LRRC75A: variants seen among roughly 807,000 people sequenced by gnomAD.
LRRC75A encodes leucine rich repeat containing 75A.
LRRC75A carries 12 observed loss-of-function variants against 26.0 expected under a neutral mutation model. That is an observed-to-expected ratio of 0.46 (90% CI 0.30 to 0.75). The LOEUF is 0.75. Ranked by LOEUF, LRRC75A falls within the 30% of genes least tolerant of loss-of-function variation. The probability of loss-of-function intolerance (pLI) is 0.08; values close to 1 mark genes in which losing one functional copy is unlikely to be tolerated. For missense variants in LRRC75A, 410 were observed against 486.6 expected, an observed-to-expected ratio of 0.84 and a Z score of 1.48; for synonymous variants, 223 against 219.3, an observed-to-expected ratio of 1.02 and a Z score of -0.15.
At chr17:16,473,382 CCT>C (rs1398296887) in intron 1 of LRRC75A, among the ~76,000 whole-genome samples, 2 of 152,110 alleles carry the variant, frequency 1.3e-5, no homozygotes, top group Non-Finnish European at 2.9e-5. Flanking sequence ...GCATGGGAAC[CCT>C]GTTTGAAGGT....
At chr17:16,485,220 G>A (rs572186572) in intron 1 of LRRC75A, among the ~76,000 whole-genome samples, 2 of 152,318 alleles carry the variant, frequency 1.3e-5, no homozygotes, top group South Asian at 2.1e-4. Flanking sequence ...AATGGGAGAG[G>A]ATATGACAGT....
intron 2 of LRRC75A, among the ~76,000 whole-genome samples, chr17:16,457,309 C>G (rs931247361): frequency 2.6e-5 from 4 of 152,190 alleles, no homozygotes; most frequent in African/African-American, 9.7e-5. Flanking sequence ...GACTGTGTGC[C>G]GGCTTTTCTG....
intron 1 of LRRC75A, among the ~76,000 whole-genome samples, chr17:16,479,785 C>T (rs1391770790): frequency 6.6e-6 from 1 of 152,248 alleles, no homozygotes; most frequent in Non-Finnish European, 1.5e-5. Flanking sequence ...TCTCTGCTTC[C>T]TCCAACACTA....
chr17:16,469,471 G>A (rs1196572587), intron 1 of LRRC75A, among the ~76,000 whole-genome samples: 1 of 152,140 alleles, frequency 6.6e-6, no homozygotes. Flanking sequence ...TCCCCAGCTT[G>A]TGCACTCTCA....
chr17:16,487,391 TCCA>T (rs1053967902), intron 1 of LRRC75A, among the ~76,000 whole-genome samples: 50 of 152,162 alleles, frequency 3.3e-4, no homozygotes, highest in Non-Finnish European at 5.6e-4. Flanking sequence ...CTGTCCAGTC[TCCA>T]CATCTCCAGG....
intron 3 of LRRC75A, among the ~76,000 whole-genome samples, chr17:16,445,373 G>C (rs1303412423): frequency 6.6e-6 from 1 of 151,898 alleles, no homozygotes; most frequent in African/African-American, 2.4e-5. Context: ...CACTGTGTTG[G>C]CCAGGATGGT....
chr17:16,480,520 T>C (rs2109085), intron 1 of LRRC75A, among the ~76,000 whole-genome samples: 28,563 of 151,316 alleles, frequency 0.19, 2,882 homozygotes, highest in Middle Eastern at 0.36. Context: ...TCCCAGCTAC[T>C]CGGGAGGCTG....
chr17:16,453,328 GCA>G (rs2093650426), intron 2 of LRRC75A, among the ~76,000 whole-genome samples: 2 of 139,234 alleles, frequency 1.4e-5, no homozygotes, highest in South Asian at 4.5e-4. Flanking sequence ...ACGCACACAC[GCA>G]CACGCACACA....
At chr17:16,481,483 T>C (rs76641195) in intron 1 of LRRC75A, among the ~76,000 whole-genome samples, 2,241 of 152,292 alleles carry the variant, frequency 0.015, 48 homozygotes, top group African/African-American at 0.051. Flanking sequence ...CAGCAAATTA[T>C]GAACCAATTT....
chr17:16,491,696 G>A lies in LRRC75A; in HGVS notation c.246+49C>T. 1 of 1,178,640 alleles carries A rather than the reference G, an allele frequency of 8.5e-7. No homozygotes were observed. The highest frequency in any genetic ancestry group is 1.1e-6 in the Non-Finnish European group (1 of 928,802). 73.0% of individuals were successfully genotyped at this position (1,178,640 alleles called of 1,614,324 possible). A position where few individuals can be genotyped will look rare whatever the true frequency, so the allele number is the denominator to read the frequency against. Reference sequence around the variant, plus strand: ...GGGATGGGGCGCCCCCCCCGGCCCAGCACGCCCCCTGGCCCGGCGCGCCCC... The same window carrying A: ...GGGATGGGGCGCCCCCCCCGGCCCAACACGCCCCCTGGCCCGGCGCGCCCC... On this transcript the variant is annotated intron_variant, in intron 1 of 3. Coordinates refer to ENST00000470794, the MANE Select transcript of LRRC75A (RefSeq NM_001113567.3). This position sits in a 1 kb window ranked among gnomAD's most constrained non-coding sequence, Gnocchi z 5.9.
chr17:16,462,441 C>T lies in LRRC75A; in HGVS notation c.247-55G>A, dbSNP rs1479898791. On this transcript the variant is annotated intron_variant, in intron 1 of 3. Transcript: ENST00000470794. The surrounding 1 kb of genome is among the most constrained non-coding windows in gnomAD (Gnocchi z 4.6). Reference sequence around the variant, plus strand: ...GGGCTGGCTGCCCACCCAGCTCGCCCACCATCCCCAAGAGAAGTAGGCACA... The same window carrying T: ...GGGCTGGCTGCCCACCCAGCTCGCCTACCATCCCCAAGAGAAGTAGGCACA... 2.1e-5 allele frequency: 34 copies of T among 1,606,666 alleles called. No individual in the cohort carries two copies. The highest frequency in any genetic ancestry group is 2.8e-5 in the Non-Finnish European group (33 of 1,177,970).
At chr17:16,445,511 G>A (rs2093576589) in intron 3 of LRRC75A, among the ~76,000 whole-genome samples, 1 of 152,128 alleles carries the variant, frequency 6.6e-6, no homozygotes, top group African/African-American at 2.4e-5. Context: ...GGGAGGTGGA[G>A]GGGGCTCCCA....
At chr17:16,461,718 C>T (rs1212033836) in intron 2 of LRRC75A, among the ~76,000 whole-genome samples, 4 of 152,202 alleles carry the variant, frequency 2.6e-5, no homozygotes, top group Admixed American at 6.5e-5. Context: ...TGCAGGGCCC[C>T]GGACGGCCTT....
chr17:16,457,391 G>T (rs72833960), intron 2 of LRRC75A, among the ~76,000 whole-genome samples: 5,381 of 152,222 alleles, frequency 0.035, 151 homozygotes, highest in Middle Eastern at 0.1. Flanking sequence ...TGCATCACTG[G>T]GCTCTCTTCC....
intron 1 of LRRC75A, among the ~76,000 whole-genome samples, chr17:16,490,984 T>A (rs2093855968): frequency 6.6e-6 from 1 of 152,214 alleles, no homozygotes; most frequent in Non-Finnish European, 1.5e-5. Flanking sequence ...GTGATAGCAT[T>A]AGCCTCAGGG....
chr17:16,450,164 C>T (rs915199935), intron 2 of LRRC75A, among the ~76,000 whole-genome samples: 15 of 152,210 alleles, frequency 9.9e-5, no homozygotes, highest in Admixed American at 9.2e-4. Flanking sequence ...TCCCACAGCA[C>T]CCCAAGGCAG....
chr17:16,466,030 A>C (rs2093766036), intron 1 of LRRC75A, among the ~76,000 whole-genome samples: 1 of 152,252 alleles, frequency 6.6e-6, no homozygotes, highest in Non-Finnish European at 1.5e-5. Context: ...GCCATGGCAC[A>C]CATTATTGCT....
chr17:16,467,569 C>T (rs1259578928), intron 1 of LRRC75A, among the ~76,000 whole-genome samples: 1 of 152,204 alleles, frequency 6.6e-6, no homozygotes, highest in Non-Finnish European at 1.5e-5. Flanking sequence ...CCTGAGAATT[C>T]CTTCATGTTG....
At chr17:16,474,720 C>T (rs1324646328) in intron 1 of LRRC75A, among the ~76,000 whole-genome samples, 4 of 151,996 alleles carry the variant, frequency 2.6e-5, no homozygotes, top group South Asian at 4.1e-4. Flanking sequence ...TGAGGCCGGG[C>T]GCGGTGGCTC....
Sources: gnomAD v4.1 joint callset for allele counts (sites outside exome capture counted in the v4.1 genomes callset) on GRCh38, gnomAD v4.1.1 for gene constraint, Gnocchi (gnomAD v3.1) non-coding constraint, MANE v1.5 for transcripts, NCBI Gene and HGNC (gene_info 2026-07-23, HGNC 2026-07-21) for gene names.